GRAMD1B: variants seen among roughly 807,000 people sequenced by gnomAD.
The protein encoded by GRAMD1B is GRAM domain containing 1B, also known as protein Aster-B.
Under a neutral mutation model 99.7 loss-of-function variants are expected in GRAMD1B, and 37 were observed. The ratio of observed to expected loss-of-function variants is 0.37; its 90% CI spans 0.29 to 0.49. The LOEUF (loss-of-function observed/expected upper bound fraction) is 0.49. Among genes scored for constraint, GRAMD1B ranks in the 20% least tolerant of loss-of-function variants. The pLI is 0.98. For synonymous variants in GRAMD1B, 427 were observed against 387.6 expected (o/e 1.10, Z -1.19); for missense variants, 888 against 1,009.2 (o/e 0.88, Z 1.63).
chr11:123,434,821 G>A (rs1446962119), intron 1 of GRAMD1B, among the ~76,000 whole-genome samples: 1 of 152,174 alleles, frequency 6.6e-6, no homozygotes, highest in Non-Finnish European at 1.5e-5. Context: ...TAGAGGCAAT[G>A]GAGTGCAGGG....
intron 4 of GRAMD1B, among the ~76,000 whole-genome samples, chr11:123,589,602 T>A (rs1389294269): frequency 7.9e-6 from 1 of 126,828 alleles, no homozygotes; most frequent in African/African-American, 3.4e-5. Flanking sequence ...TGCCACCATG[T>A]GTGGCTAATT....
At chr11:123,385,985 G>A (rs1351702607) in intron 1 of GRAMD1B, among the ~76,000 whole-genome samples, 4 of 152,176 alleles carry the variant, frequency 2.6e-5, no homozygotes, top group East Asian at 1.9e-4. Flanking sequence ...TCACTTCTCT[G>A]TCCACTTCTG....
In GRAMD1B at chr11:123,379,418, AC is replaced by A. The variant is rs1166451337; in HGVS notation, c.-176+20620del. Reference sequence around the variant, plus strand: ...TTTGTTGAGATATCTTAAAAAAAAAACAAACTTCTATCTTCTAGCTTTAATT... The same window carrying A: ...TTTGTTGAGATATCTTAAAAAAAAAAAAACTTCTATCTTCTAGCTTTAATT... On this transcript the variant is annotated intron_variant, in intron 1 of 20. Transcript: ENST00000638157. Among the ~76,000 whole-genome samples, 7 of 152,218 alleles carry A rather than the reference AC, an allele frequency of 4.6e-5. No individual in the cohort carries two copies. The East Asian group carries it at 1.4e-3, about 29-fold the overall frequency.
chr11:123,598,571 C>T (rs1027645799), intron 7 of GRAMD1B: 7 of 1,553,692 alleles, frequency 4.5e-6, no homozygotes, highest in African/African-American at 4.1e-5. Flanking sequence ...TATCAAGTGA[C>T]TCTAGGGACT....
At chr11:123,526,121 C>G in intron 2 of GRAMD1B, 3 of 1,609,348 alleles carry the variant, frequency 1.9e-6, no homozygotes, top group Non-Finnish European at 2.6e-6. Flanking sequence ...GCTAAGGACA[C>G]GGTCAGTGGA....
intron 3 of GRAMD1B, chr11:123,578,395 C>T: frequency 6.6e-7 from 1 of 1,525,196 alleles, no homozygotes. Flanking sequence ...ACCTTCTTTG[C>T]ATGCATGGTC....
At chr11:123,493,217 A>G (rs979357299) in intron 2 of GRAMD1B, among the ~76,000 whole-genome samples, 1 of 152,176 alleles carries the variant, frequency 6.6e-6, no homozygotes, top group African/African-American at 2.4e-5. Flanking sequence ...AAAACATTTC[A>G]TCCTCTCTGA....
intron 2 of GRAMD1B, among the ~76,000 whole-genome samples, chr11:123,508,775 T>A (rs1041922835): frequency 6.6e-6 from 1 of 152,222 alleles, no homozygotes; most frequent in Admixed American, 6.5e-5. Context: ...AACCTCTGCC[T>A]ACTTGGTTCA....
At chr11:123,581,393 C>A (rs953585440) in intron 3 of GRAMD1B, among the ~76,000 whole-genome samples, 1 of 152,244 alleles carries the variant, frequency 6.6e-6, no homozygotes, top group Admixed American at 6.5e-5. Context: ...CCCCTTCTCA[C>A]CCCCAGAGGC....
intron 7 of GRAMD1B, among the ~76,000 whole-genome samples, chr11:123,597,256 C>CTT (rs71060518): frequency 0.015 from 1,175 of 76,506 alleles, 88 homozygotes; most frequent in East Asian, 0.029. Flanking sequence ...GCCACTATGC[C>CTT]TTTTTTTTTT....
intron 1 of GRAMD1B, among the ~76,000 whole-genome samples, chr11:123,467,896 G>C (rs1276864539): frequency 7.7e-6 from 1 of 130,182 alleles, no homozygotes; most frequent in African/African-American, 2.9e-5. Context: ...ATGGAGTCTC[G>C]TTCTGTCGCC....
At chr11:123,396,138 T>C (rs1269968654) in intron 1 of GRAMD1B, among the ~76,000 whole-genome samples, 1 of 151,942 alleles carries the variant, frequency 6.6e-6, no homozygotes, top group African/African-American at 2.4e-5. Flanking sequence ...GACTCCTCCA[T>C]GGAAAAGTCC....
In GRAMD1B at chr11:123,608,643, C is replaced by A. The variant is rs375574990; in HGVS notation, c.1514-16C>A. On this transcript the variant is annotated splice_polypyrimidine_tract_variant and intron_variant, in intron 11 of 19. Transcript: ENST00000635736. ...CCGCTGTCACTGTCTACTTCCTGAT[C>A]CTCTCTTCTGTGCAGGAGAGGTCCA... 1.3e-6 allele frequency: 2 copies of A among 1,575,490 alleles called. No individual in the cohort carries two copies. The highest frequency in any genetic ancestry group is 8.6e-7 in the Non-Finnish European group (1 of 1,159,602).
intron 2 of GRAMD1B, among the ~76,000 whole-genome samples, chr11:123,546,692 A>C (rs1033795093): frequency 2.0e-5 from 3 of 152,210 alleles, no homozygotes; most frequent in African/African-American, 7.2e-5. Flanking sequence ...TCCTGATATC[A>C]GGGGTTTTGG....
At chr11:123,393,047 T>A (rs1947334810) in intron 1 of GRAMD1B, among the ~76,000 whole-genome samples, 1 of 152,232 alleles carries the variant, frequency 6.6e-6, no homozygotes. Context: ...GATAATATGA[T>A]AATTTCTAAA....
At chr11:123,496,528 A>G (rs1314479965) in intron 2 of GRAMD1B, among the ~76,000 whole-genome samples, 1 of 151,810 alleles carries the variant, frequency 6.6e-6, no homozygotes, top group Non-Finnish European at 1.5e-5. Context: ...TTCTGATATC[A>G]TCCCTTTGAA....
At chr11:123,557,630 T>C (rs1323896790) in intron 2 of GRAMD1B, among the ~76,000 whole-genome samples, 6 of 152,238 alleles carry the variant, frequency 3.9e-5, no homozygotes, top group Admixed American at 2.0e-4. Context: ...CATTTAATCC[T>C]CACATGTTCC....
chr11:123,580,851 CGG>C (rs1949277636), intron 3 of GRAMD1B, among the ~76,000 whole-genome samples: 1 of 151,720 alleles, frequency 6.6e-6, no homozygotes, highest in South Asian at 2.1e-4. Flanking sequence ...CTCCCCACCG[CGG>C]TGCGGGCATC....
intron 1 of GRAMD1B, among the ~76,000 whole-genome samples, chr11:123,474,808 A>C (rs1951186675): frequency 2.0e-5 from 3 of 152,346 alleles, no homozygotes; most frequent in East Asian, 3.9e-4. Context: ...TGATACTAAC[A>C]GGAGAGATTG....
Sources: allele counts gnomAD v4.1 joint callset (sites outside exome capture counted in the v4.1 genomes callset), GRCh38; gene constraint gnomAD v4.1.1; transcripts MANE v1.5; gene names NCBI Gene and HGNC (gene_info 2026-07-23, HGNC 2026-07-21).